Variants in SH3BGR observed in about 807,000 individuals in gnomAD.
The protein encoded by SH3BGR is SH3 domain-binding glutamic acid-rich protein.
In SH3BGR, 29 loss-of-function variants were observed where a neutral mutation model predicts 24.5. The observed-to-expected ratio is 1.18, with a 90% confidence interval of 0.88 to 1.61. The LOEUF is 1.61. SH3BGR is among the 40% of genes most tolerant of loss of function. The probability of loss-of-function intolerance (pLI) is 0.00; values close to 1 mark genes in which losing one functional copy is unlikely to be tolerated. For synonymous variants in SH3BGR, 55 were observed against 65.7 expected (o/e 0.84, Z 0.79); for missense variants, 162 against 205.8 (o/e 0.79, Z 1.30).
intron 4 of SH3BGR, among the ~76,000 whole-genome samples, chr21:39,507,419 C>T (rs552372362): frequency 6.6e-5 from 10 of 151,660 alleles, no homozygotes; most frequent in East Asian, 3.9e-4. Context: ...CCGCAACCTC[C>T]GCCTCCTGGG....
chr21:39,466,338 T>C (rs2123338836), intron 2 of SH3BGR, among the ~76,000 whole-genome samples: 1 of 152,372 alleles, frequency 6.6e-6, no homozygotes, highest in East Asian at 1.9e-4. Flanking sequence ...AAACTACATT[T>C]ATAAATTATC....
chr21:39,501,398 A>G (rs1176632169), intron 4 of SH3BGR, among the ~76,000 whole-genome samples: 1 of 152,240 alleles, frequency 6.6e-6, no homozygotes, highest in Non-Finnish European at 1.5e-5. Context: ...TCTCTTTGCT[A>G]CTACATTTTA....
intron 3 of SH3BGR, among the ~76,000 whole-genome samples, chr21:39,478,102 A>G (rs1490105525): frequency 1.3e-5 from 2 of 152,186 alleles, no homozygotes; most frequent in Admixed American, 6.5e-5. Flanking sequence ...ATTTCTCCTA[A>G]CAGACTATTT....
chr21:39,488,703 G>T, intron 3 of SH3BGR: 1 of 450,676 alleles, frequency 2.2e-6, no homozygotes, highest in South Asian at 1.8e-5. Context: ...TGGGTGGGAA[G>T]ATGACAGAGG....
At chr21:39,472,525 G>C (rs1431811299) in intron 2 of SH3BGR, among the ~76,000 whole-genome samples, 1 of 152,114 alleles carries the variant, frequency 6.6e-6, no homozygotes, top group East Asian at 1.9e-4. Context: ...GTTTATTTCT[G>C]CTAGTTTCCT....
chr21:39,510,946 T>TATAC (rs1296625247), intron 5 of SH3BGR, among the ~76,000 whole-genome samples: 5 of 139,586 alleles, frequency 3.6e-5, no homozygotes, highest in African/African-American at 7.9e-5. Context: ...TATATATATA[T>TATAC]ACTTTCTGAA....
intron 2 of SH3BGR, among the ~76,000 whole-genome samples, chr21:39,470,337 C>T (rs376647056): frequency 6.0e-4 from 91 of 152,036 alleles, no homozygotes; most frequent in African/African-American, 2.2e-3. Flanking sequence ...TGGCTCACTG[C>T]AGCCTCCACC....
At chr21:39,446,071 G>C (rs1203968127) in exon 1 of SH3BGR, 2 of 151,996 alleles carry the variant, frequency 1.3e-5, no homozygotes, top group Non-Finnish European at 2.9e-5. Context: ...TTAAGGCTCT[G>C]TCAGTCTTAG....
rs1485824451 is a variant in SH3BGR, at chr21:39,475,149, C to G, written c.246C>G (p.Phe82Leu). 1.2e-6 allele frequency: 2 copies of G among 1,608,164 alleles called. No individual in the cohort carries two copies. Among genetic ancestry groups the G allele is most frequent in the Non-Finnish European group, 1.7e-6 (2 of 1,175,182 alleles). ...EEQYCGDFDS[F>L]FSAKEENIIY... is the part of the protein sequence containing the mutation. ...TTTGCTTCAAGGATTTTGACTCTTT[C>G]TTCTCTGCAAAAGAAGAGAATATTA... The change falls in exon 3 of 7, where the codon TTC (phenylalanine) becomes TTG (leucine). Residue 82 changes from phenylalanine (F) to leucine (L), a missense_variant. Phe to Leu is a conservative substitution (Grantham distance 22). Coordinates refer to ENST00000333634, the MANE Select transcript of SH3BGR (RefSeq NM_007341.3).
At chr21:39,471,005 C>G (rs2077930369) in intron 2 of SH3BGR, among the ~76,000 whole-genome samples, 1 of 152,150 alleles carries the variant, frequency 6.6e-6, no homozygotes, top group Admixed American at 6.5e-5. Flanking sequence ...CACCTGGCCT[C>G]TAAGTTGCTA....
At chr21:39,486,241 A>G (rs983770445) in intron 3 of SH3BGR, among the ~76,000 whole-genome samples, 1 of 152,218 alleles carries the variant, frequency 6.6e-6, no homozygotes, top group Non-Finnish European at 1.5e-5. Context: ...AAGTCTAGAA[A>G]GTCATAACAA....
intron 3 of SH3BGR, among the ~76,000 whole-genome samples, chr21:39,497,832 T>G (rs1246592861): frequency 1.3e-5 from 2 of 152,210 alleles, no homozygotes; most frequent in East Asian, 3.8e-4. Context: ...ACAATCATCT[T>G]CACTGGTTAT....
intron 3 of SH3BGR, among the ~76,000 whole-genome samples, chr21:39,481,117 C>A (rs966600635): frequency 3.3e-5 from 5 of 152,062 alleles, no homozygotes; most frequent in Non-Finnish European, 7.4e-5. Context: ...AAAAAGACAC[C>A]ATGGACATTT....
intron 2 of SH3BGR, among the ~76,000 whole-genome samples, chr21:39,473,773 T>C (rs569757311): frequency 2.2e-3 from 334 of 151,718 alleles, no homozygotes; most frequent in African/African-American, 7.9e-3. Flanking sequence ...TAATCCCAGC[T>C]ACTCAGGAGG....
At chr21:39,500,472 G>C (rs2078475565) in intron 4 of SH3BGR, among the ~76,000 whole-genome samples, 1 of 152,120 alleles carries the variant, frequency 6.6e-6, no homozygotes, top group Admixed American at 6.5e-5. Context: ...TAGCAGCAGG[G>C]TAAGGAGTGG....
chr21:39,509,132 C>A, intron 5 of SH3BGR, 105 bp downstream of exon 5: 1 of 809,124 alleles, frequency 1.2e-6, no homozygotes. Context: ...CATAAGAGAG[C>A]GATGCAACCC....
chr21:39,448,047 T>C (rs1369273149), upstream of SH3BGR, among the ~76,000 whole-genome samples: 1 of 152,198 alleles, frequency 6.6e-6, no homozygotes. Context: ...ATTCCTTGGC[T>C]TGTGGCAGCA....
At chr21:39,459,038 G>GTT (rs932976008) in intron 1 of SH3BGR, among the ~76,000 whole-genome samples, 1 of 143,792 alleles carries the variant, frequency 7.0e-6, no homozygotes, top group Admixed American at 7.0e-5. Flanking sequence ...TAGTTCTGTG[G>GTT]TTTTTTTTTT....
At chr21:39,477,147 G>A (rs961908082) in intron 3 of SH3BGR, among the ~76,000 whole-genome samples, 8 of 151,880 alleles carry the variant, frequency 5.3e-5, no homozygotes, top group African/African-American at 9.7e-5. Flanking sequence ...TTACACTGAT[G>A]TATCATAATT....
Sources: gnomAD v4.1 joint callset for allele counts (sites outside exome capture counted in the v4.1 genomes callset) on GRCh38, gnomAD v4.1.1 for gene constraint, MANE v1.5 for transcripts, NCBI Gene and HGNC (gene_info 2026-07-23, HGNC 2026-07-21) for gene names.